Variants in FASTKD2 observed in about 807,000 individuals in gnomAD.
FASTKD2 encodes the protein FAST kinase domain-containing protein 2, mitochondrial.
FASTKD2 carries 51 observed loss-of-function variants against 63.6 expected under a neutral mutation model. The ratio of observed to expected loss-of-function variants is 0.80; its 90% CI spans 0.64 to 1.01. The LOEUF (loss-of-function observed/expected upper bound fraction) is 1.01, where lower values mean the gene tolerates loss of function less well. Among genes scored for constraint, FASTKD2 ranks in the 50% least tolerant of loss-of-function variants. FASTKD2 has a pLI of 0.00. For synonymous variants in FASTKD2, 284 were observed against 293.4 expected, an observed-to-expected ratio of 0.97 and a Z score of 0.33; for missense variants, 786 against 831.1, an observed-to-expected ratio of 0.95 and a Z score of 0.67.
chr2:206,770,756 A>T (rs1226193355), intron 3 of FASTKD2, among the ~76,000 whole-genome samples: 1 of 151,370 alleles, frequency 6.6e-6, no homozygotes, highest in African/African-American at 2.4e-5. Context: ...AATAGTACTG[A>T]TGCGGGGTAG....
Position 206,783,469 on chromosome 2 carries a change from T to C in FASTKD2, c.1428-3264T>C, listed in dbSNP as rs546989988. 5.9e-5 allele frequency among the ~76,000 whole-genome samples: 9 copies of C among 152,156 alleles called. No individual in the cohort carries two copies. The South Asian group carries it at 1.9e-3, about 32-fold the overall frequency. On this transcript the variant is annotated intron_variant, in intron 7 of 11. Coordinates refer to ENST00000402774, the MANE Select transcript of FASTKD2 (RefSeq NM_001136193.2). ...CGAAAAATATCTCCCAAATTCAATC[T>C]TCCTTTACTCCCCTGGCTTCATTTT...
In FASTKD2 at chr2:206,794,320, GA is replaced by G. The variant is rs1328352989; in HGVS notation, c.*2522del. ...AAATATTTTTTTCAGAATCCCTAAT[GA>G]AAAGGTTGATCTTGCTCTAGATACA... On this transcript the variant is annotated 3_prime_UTR_variant, in exon 12 of 12. Coordinates refer to ENST00000402774, the MANE Select transcript of FASTKD2 (RefSeq NM_001136193.2). 6.6e-6 allele frequency among the ~76,000 whole-genome samples: 1 copy of G among 152,108 alleles called. No homozygotes were observed. Among genetic ancestry groups the G allele is most frequent in the Non-Finnish European group, 1.5e-5 (1 of 68,028 alleles).
chr2:206,791,064 G>A (rs11891314), intron 11 of FASTKD2: 2,647 of 251,116 alleles, frequency 0.011, 77 homozygotes, highest in African/African-American at 0.055. Context: ...GTGTGAAGCT[G>A]TTACAGGATG....
chr2:206,772,144 G>A, intron 5 of FASTKD2, 37 bp from the exon 6 acceptor site: 1 of 1,596,282 alleles, frequency 6.3e-7, no homozygotes, highest in East Asian at 2.2e-5. Context: ...AAAACAATCA[G>A]GTAATTTTTG....
rs1455845132 is a variant in FASTKD2 at position 206,794,646 on chromosome 2, T to TA, written c.*2850dup. On this transcript the variant is annotated 3_prime_UTR_variant, in exon 12 of 12. Transcript: ENST00000402774. ...AGCTGATTAAACAGTTTAGAACTTTTAAAAAACATTCAAAAATTGAAAATT... is the reference window on the plus strand; with the variant it reads ...AGCTGATTAAACAGTTTAGAACTTTTAAAAAAACATTCAAAAATTGAAAATT... 3.3e-5 allele frequency among the ~76,000 whole-genome samples: 5 copies of TA among 152,224 alleles called. No homozygotes were observed. The highest frequency in any genetic ancestry group is 1.3e-4 in the Admixed American group (2 of 15,286).
At chr2:206,785,151 C>T (rs1406479530) in intron 7 of FASTKD2, among the ~76,000 whole-genome samples, 1 of 151,946 alleles carries the variant, frequency 6.6e-6, no homozygotes, top group Non-Finnish European at 1.5e-5. Flanking sequence ...TCTCGTGAGA[C>T]TTATTGACTA....
At chr2:206,766,406 A>ATT (rs1030756943) in intron 1 of FASTKD2, among the ~76,000 whole-genome samples, 5 of 152,138 alleles carry the variant, frequency 3.3e-5, no homozygotes, top group African/African-American at 9.7e-5. Flanking sequence ...ACGCTTTTGC[A>ATT]CCAGAAAAAT....
chr2:206,791,534 T>G (rs1690285637), intron 11 of FASTKD2, 149 bp from the exon 12 acceptor site: 1 of 701,406 alleles, frequency 1.4e-6, no homozygotes, highest in Admixed American at 2.3e-5. Flanking sequence ...GTAGTCTTAT[T>G]ATGCCTTTAA....
chr2:206,790,753 C>G (rs1690262844), intron 11 of FASTKD2, 67 bp downstream of exon 11: 2 of 969,014 alleles, frequency 2.1e-6, no homozygotes, highest in South Asian at 1.3e-5. Context: ...TGCCAGGAAT[C>G]TTGTGGTTGA....
chr2:206,786,275 G>A (rs887843544), intron 7 of FASTKD2, among the ~76,000 whole-genome samples: 15 of 152,142 alleles, frequency 9.9e-5, no homozygotes, highest in Non-Finnish European at 1.8e-4. Flanking sequence ...TTAACCCATA[G>A]TATTGATAAC....
Position 206,793,220 on chromosome 2 carries a change from CAAAAAAAAAAAA to C in FASTKD2, c.*1438_*1449del, listed in dbSNP as rs58656956. Among the ~76,000 whole-genome samples, 20,197 of 65,952 alleles carry C rather than the reference CAAAAAAAAAAAA, an allele frequency of 0.31. 1,578 individuals are homozygous for C. The highest frequency in any genetic ancestry group is 0.38 in the Admixed American group (2,176 of 5,736). 43.3% of individuals were successfully genotyped at this position (65,952 alleles called of 152,430 possible). A position where few individuals can be genotyped will look rare whatever the true frequency, so the allele number is the denominator to read the frequency against. On this transcript the variant is annotated 3_prime_UTR_variant, in exon 12 of 12. Coordinates refer to ENST00000402774, the MANE Select transcript of FASTKD2 (RefSeq NM_001136193.2). ...CTGACCACAGAGCGAGACTCTGTCT[CAAAAAAAAAAAA>C]AAAAAAAAAAAAAAAAAAATACAAA...
In FASTKD2 at chr2:206,769,772, A is replaced by G. The variant is rs147467635; in HGVS notation, c.778-319A>G. On this transcript the variant is annotated intron_variant, in intron 2 of 11. Coordinates refer to ENST00000402774, the MANE Select transcript of FASTKD2 (RefSeq NM_001136193.2). ...TGCCTTTGTAATGACCTTGAATTCCAAGAAGAGGTAAAAATAATGTTTAAT... is the reference window on the plus strand; with the variant it reads ...TGCCTTTGTAATGACCTTGAATTCCGAGAAGAGGTAAAAATAATGTTTAAT... Among the ~76,000 whole-genome samples, 197 of 152,354 alleles carry G rather than the reference A, an allele frequency of 1.3e-3. 1 individual carries two copies. The highest frequency in any genetic ancestry group is 2.5e-3 in the Non-Finnish European group (167 of 68,032).
intron 5 of FASTKD2, 67 bp from the exon 6 acceptor site, chr2:206,772,114 G>T (rs1348854573): frequency 2.5e-6 from 4 of 1,590,850 alleles, no homozygotes; most frequent in Non-Finnish European, 3.4e-6. Context: ...TATGAAAAAA[G>T]AATAAAGCAT....
At chr2:206,788,731 C>CAAAA (rs5838043) in intron 9 of FASTKD2, 88 bp from the exon 10 acceptor site, 53 of 568,142 alleles carry the variant, frequency 9.3e-5, no homozygotes, top group African/African-American at 6.0e-4. Flanking sequence ...GACCACATCT[C>CAAAA]AAAAAAAAAA....
intron 7 of FASTKD2, 63 bp downstream of exon 7, chr2:206,774,460 C>T: frequency 1.9e-6 from 2 of 1,077,400 alleles, no homozygotes; most frequent in South Asian, 1.3e-5. Context: ...GGTTATAAAT[C>T]ATAAGCTTAA....
chr2:206,769,994 C>T (rs905399535), intron 2 of FASTKD2, 97 bp from the exon 3 acceptor site: 27 of 779,554 alleles, frequency 3.5e-5, no homozygotes, highest in East Asian at 2.0e-4. Context: ...GATACTCAAT[C>T]GTTTTATTCA....
chr2:206,795,677 A>G lies in FASTKD2; in HGVS notation c.*3875A>G, dbSNP rs1000250328. The stretch of plus-strand genomic sequence containing the variant: ...TTCCAAATGTGACTTAGCTTCCTCT[A>G]TGCAGATGTACCTACTTGAAACTGG... On this transcript the variant is annotated 3_prime_UTR_variant, in exon 12 of 12. Transcript: ENST00000402774. Among the ~76,000 whole-genome samples, 1 of 152,174 alleles carries G rather than the reference A, an allele frequency of 6.6e-6. No homozygotes were observed. The highest frequency in any genetic ancestry group is 2.1e-4 in the South Asian group (1 of 4,832).
chr2:206,766,932 A>T lies in FASTKD2; in HGVS notation c.239A>T (p.Asp80Val). ...GATATCATTAGATATCTCTTTCAGG[A>T]TGCATTCATTTTTAAATCAGATGTT... The part of the protein sequence containing the change: ...STDIIRYLFQ[D>V]AFIFKSDVGF... The change falls in exon 2 of 12, where the codon GAT (aspartate) becomes GTT (valine). Residue 80 changes from aspartate (D) to valine (V), a missense_variant. Transcript: ENST00000402774. 1 of 1,603,594 alleles carries T rather than the reference A, an allele frequency of 6.2e-7. No individual in the cohort carries two copies. The highest frequency in any genetic ancestry group is 1.1e-5 in the South Asian group (1 of 89,820).
intron 11 of FASTKD2, chr2:206,791,132 AT>A (rs1214745290): frequency 4.7e-6 from 1 of 211,688 alleles, no homozygotes; most frequent in African/African-American, 2.4e-5. Context: ...CTTCCCTCTT[AT>A]GCTTCAATTT....
Sources: allele counts gnomAD v4.1 joint callset (sites outside exome capture counted in the v4.1 genomes callset), GRCh38; gene constraint gnomAD v4.1.1; transcripts MANE v1.5; gene names NCBI Gene and HGNC (gene_info 2026-07-23, HGNC 2026-07-21).